Variants in CDH3 observed in about 807,000 individuals in gnomAD.
CDH3 encodes cadherin 3, also known as cadherin-3.
Under a neutral mutation model 82.0 loss-of-function variants are expected in CDH3, and 54 were observed. The observed-to-expected ratio is 0.66, with a 90% CI of 0.53 to 0.83. CDH3 has a LOEUF of 0.83. CDH3 is among the 40% of genes least tolerant of loss of function. The pLI is 0.00. For missense variants in CDH3, 1,054 were observed against 1,084.6 expected (o/e 0.97, Z 0.40); for synonymous variants, 446 against 437.9 (o/e 1.02, Z -0.23).
At chr16:68,701,729 T>C (rs1961898081), downstream of CDH3, among the ~76,000 whole-genome samples, 1 of 151,748 alleles carries the variant, frequency 6.6e-6, no homozygotes, top group Non-Finnish European at 1.5e-5. Context: ...GTATTTTAGT[T>C]AAAAAATATT....
rs114709429 is a variant in CDH3, at chr16:68,695,930, C to T, written c.2280+7C>T. 2,243 of 1,613,926 alleles carry T rather than the reference C, an allele frequency of 1.4e-3. 39 individuals are homozygous for T. The African/African-American group carries it at 0.025, about 18-fold the overall frequency. ...CGGCAACTTTATAATTGAGGTGAGG[C>T]GTGGCAGGCCAGTCGAGGGCCACCC... is the stretch of plus-strand genomic sequence containing the variant. On this transcript the variant is annotated splice_region_variant and intron_variant, in intron 15 of 15. Coordinates refer to ENST00000264012, the MANE Select transcript of CDH3 (RefSeq NM_001793.6).
intron 2 of CDH3, among the ~76,000 whole-genome samples, chr16:68,671,849 T>G (rs1233851753): frequency 2.0e-5 from 3 of 152,112 alleles, no homozygotes; most frequent in Admixed American, 1.3e-4. Context: ...ATTACCTCTT[T>G]AAGGTCCCTG....
chr16:68,652,846 T>C (rs1306950624), intron 2 of CDH3, among the ~76,000 whole-genome samples: 3 of 152,228 alleles, frequency 2.0e-5, no homozygotes, highest in Admixed American at 6.5e-5. Context: ...CATGGCACCA[T>C]TGAGAGATTC....
At chr16:68,717,979 CTTTTCTTT>C in intron 1 of CDH3, among the ~76,000 whole-genome samples, 1 of 152,000 alleles carries the variant, frequency 6.6e-6, no homozygotes, top group East Asian at 1.9e-4. Context: ...TTTTCCTTTT[CTTTTCTTT>C]TTTTCTTTTT....
intron 2 of CDH3, 187 bp downstream of exon 2, chr16:68,645,937 G>C (rs1375581556): frequency 1.7e-6 from 1 of 597,280 alleles, no homozygotes; most frequent in Non-Finnish European, 3.0e-6. Flanking sequence ...GGGCAGCAGA[G>C]CGCCTATGAC....
chr16:68,680,176 T>C (rs1961178406), intron 7 of CDH3, among the ~76,000 whole-genome samples: 1 of 152,256 alleles, frequency 6.6e-6, no homozygotes. Context: ...CCAATCTCGT[T>C]AAATCTCCTC....
chr16:68,655,854 C>T (rs942828478), intron 2 of CDH3, among the ~76,000 whole-genome samples: 6 of 151,896 alleles, frequency 4.0e-5, no homozygotes, highest in East Asian at 1.9e-4. Context: ...CAGAGCGAGA[C>T]GCCGTCTCAA....
intron 2 of CDH3, chr16:68,651,924 GA>G: frequency 2.6e-6 from 1 of 380,438 alleles, no homozygotes; most frequent in Non-Finnish European, 5.3e-6. Context: ...GAGCCAGTAT[GA>G]GGGGCCCTTG....
At chr16:68,648,969 C>G (rs971813537) in intron 2 of CDH3, among the ~76,000 whole-genome samples, 1 of 151,534 alleles carries the variant, frequency 6.6e-6, no homozygotes, top group Non-Finnish European at 1.5e-5. Context: ...TCTTGACTAG[C>G]TCAAGAGGAA....
chr16:68,661,762 C>T (rs558793335), intron 2 of CDH3, among the ~76,000 whole-genome samples: 27 of 152,202 alleles, frequency 1.8e-4, no homozygotes, highest in Admixed American at 1.3e-4. Context: ...GATCTCAGCT[C>T]GCTGCAACCT....
chr16:68,679,293 A>G (rs2152100383), intron 6 of CDH3, among the ~76,000 whole-genome samples: 1 of 152,378 alleles, frequency 6.6e-6, no homozygotes, highest in African/African-American at 2.4e-5. Context: ...AGTGGTGAAG[A>G]TTAGAAATAC....
At chr16:68,645,573 T>TG in intron 1 of CDH3, 63 bp from the exon 2 acceptor site, 1 of 1,454,568 alleles carries the variant, frequency 6.9e-7, no homozygotes, top group Non-Finnish European at 9.3e-7. Context: ...CCCTGCGGTG[T>TG]GGGGAGTGCA....
intron 12 of CDH3, among the ~76,000 whole-genome samples, chr16:68,691,461 G>T (rs1386700117): frequency 2.0e-5 from 3 of 152,142 alleles, no homozygotes; most frequent in Non-Finnish European, 1.5e-5. Flanking sequence ...AAAACTTCAT[G>T]TTATAAAAAT....
intron 2 of CDH3, among the ~76,000 whole-genome samples, chr16:68,668,011 A>G (rs910051566): frequency 3.3e-5 from 5 of 152,164 alleles, no homozygotes; most frequent in Non-Finnish European, 5.9e-5. Context: ...ATTTTAGGGA[A>G]TGTACATTTA....
chr16:68,712,688 C>CT (rs199836116), intron 1 of CDH3, among the ~76,000 whole-genome samples: 472 of 144,104 alleles, frequency 3.3e-3, no homozygotes, highest in South Asian at 8.2e-3. Context: ...TCCCAGGTTC[C>CT]TTTTTTTTTT....
intron 2 of CDH3, among the ~76,000 whole-genome samples, chr16:68,723,037 G>A (rs900167006): frequency 3.1e-5 from 4 of 127,154 alleles, no homozygotes; most frequent in African/African-American, 1.1e-4. Flanking sequence ...CAGGTGATCC[G>A]CTGCCTCTAT....
rs755566067 is a variant in CDH3 at position 68,678,120 on chromosome 16, TTCTC to T, written c.247-11_247-8del. The T allele has an allele frequency of 1.9e-6, 3 of 1,612,022 alleles. No homozygotes were observed. In the South Asian group the frequency reaches 3.3e-5, roughly 18 times the overall value. On this transcript the variant is annotated splice_polypyrimidine_tract_variant and intron_variant, in intron 3 of 15. Coordinates refer to ENST00000264012, the MANE Select transcript of CDH3 (RefSeq NM_001793.6). ...TATTTGCACATCTGGGTTAAGGAGT[TTCTC>T]TCCTTGCAGGAAAGAAGGTCACTGA...
At chr16:68,663,809 T>TTTTTA (rs935291025) in intron 2 of CDH3, among the ~76,000 whole-genome samples, 1 of 151,928 alleles carries the variant, frequency 6.6e-6, no homozygotes, top group Non-Finnish European at 1.5e-5. Flanking sequence ...GATATTTTAT[T>TTTTTA]TTTTATTTTA....
At chr16:68,684,470 G>A (rs1161054878) in intron 9 of CDH3, 113 bp from the exon 10 acceptor site, 7 of 1,212,342 alleles carry the variant, frequency 5.8e-6, no homozygotes, top group African/African-American at 1.5e-5. Flanking sequence ...ACTGTTGCTA[G>A]TGAGGGCCTC....
Sources: allele counts gnomAD v4.1 joint callset (sites outside exome capture counted in the v4.1 genomes callset), GRCh38; gene constraint gnomAD v4.1.1; transcripts MANE v1.5; gene names NCBI Gene and HGNC (gene_info 2026-07-23, HGNC 2026-07-21).